The following NFASC variants were observed in gnomAD, a reference collection of about 807,000 sequenced individuals.
NFASC encodes the protein neurofascin homolog.
Under a neutral mutation model 147.5 loss-of-function variants are expected in NFASC, and 43 were observed. That is an observed-to-expected ratio of 0.29 (90% CI 0.23 to 0.38). The LOEUF (loss-of-function observed/expected upper bound fraction) is 0.38, where lower values mean the gene tolerates loss of function less well. Ranked by LOEUF, NFASC falls within the 10% of genes least tolerant of loss-of-function variation. NFASC has a pLI of 1.00. For missense variants in NFASC, 1,320 were observed against 1,689.0 expected, an observed-to-expected ratio of 0.78 and a Z score of 3.83; for synonymous variants, 622 against 665.5, an observed-to-expected ratio of 0.93 and a Z score of 1.01.
At chr1:204,856,802 A>C (rs1050013160) in intron 1 of NFASC, among the ~76,000 whole-genome samples, 1 of 152,214 alleles carries the variant, frequency 6.6e-6, no homozygotes, top group Non-Finnish European at 1.5e-5. Flanking sequence ...TCTTTCACTT[A>C]GTTTTCACTA....
intron 2 of NFASC, among the ~76,000 whole-genome samples, chr1:204,936,196 T>C (rs61819453): frequency 3.1e-5 from 2 of 64,228 alleles, no homozygotes; most frequent in African/African-American, 1.1e-4. Flanking sequence ...CTCTCTCTCT[T>C]TCTTTTTCTT....
In NFASC at chr1:205,017,549, C is replaced by T. The variant is rs941749753; in HGVS notation, c.*1010C>T. ...GATAGAGGGCCACACCCACCCTGTCCAGAGTAGAGGGCACCTGTCCACGTG... is the reference window on the plus strand; with the variant it reads ...GATAGAGGGCCACACCCACCCTGTCTAGAGTAGAGGGCACCTGTCCACGTG... On this transcript the variant is annotated 3_prime_UTR_variant, in exon 30 of 30. Coordinates refer to ENST00000339876, the MANE Select transcript of NFASC (RefSeq NM_001005388.3). The T allele has an allele frequency of 6.5e-6, 1 of 152,686 alleles. No homozygotes were observed. Among genetic ancestry groups the T allele is most frequent in the African/African-American group, 2.4e-5 (1 of 41,442 alleles). 9.5% of individuals were successfully genotyped at this position (152,686 alleles called of 1,614,324 possible). A position where few individuals can be genotyped will look rare whatever the true frequency, so the allele number is the denominator to read the frequency against.
At chr1:204,907,273 T>C (rs530140325) in intron 1 of NFASC, among the ~76,000 whole-genome samples, 1 of 152,324 alleles carries the variant, frequency 6.6e-6, no homozygotes, top group East Asian at 1.9e-4. Flanking sequence ...GAAGTGTCTG[T>C]TTAGCAAAAT....
At chr1:204,978,532 C>G (rs564041472) in intron 17 of NFASC, among the ~76,000 whole-genome samples, 71 of 152,298 alleles carry the variant, frequency 4.7e-4, no homozygotes, top group Admixed American at 8.5e-4. Context: ...CTCCTCAGAG[C>G]CTTGGCACAC....
chr1:204,985,491 C>G (rs1574151325), intron 21 of NFASC, among the ~76,000 whole-genome samples: 2 of 152,322 alleles, frequency 1.3e-5, no homozygotes, highest in East Asian at 3.9e-4. Flanking sequence ...TAATCCAATT[C>G]AAGGTGATGT....
intron 8 of NFASC, among the ~76,000 whole-genome samples, chr1:204,959,484 T>C (rs536460847): frequency 6.6e-6 from 1 of 152,306 alleles, no homozygotes; most frequent in South Asian, 2.1e-4. Context: ...GACAGTGTAG[T>C]CTGCCCAGGA....
intron 10 of NFASC, among the ~76,000 whole-genome samples, chr1:204,970,049 C>T (rs186943062): frequency 0.013 from 1,886 of 145,688 alleles, 40 homozygotes; most frequent in African/African-American, 0.046. Flanking sequence ...GCGCCCCAGC[C>T]TGGCGACAGA....
intron 24 of NFASC, among the ~76,000 whole-genome samples, chr1:204,994,350 C>T (rs1391253718): frequency 6.6e-6 from 1 of 152,214 alleles, no homozygotes; most frequent in Admixed American, 6.5e-5. Context: ...TCATCCTTAC[C>T]TCTGCCCAGC....
intron 1 of NFASC, among the ~76,000 whole-genome samples, chr1:204,893,766 G>C (rs1363884722): frequency 1.3e-5 from 2 of 152,204 alleles, no homozygotes; most frequent in East Asian, 1.9e-4. Flanking sequence ...CCCCCACTCT[G>C]TCAAGCTTCT....
rs1183910116 is a variant in NFASC at position 204,932,662 on chromosome 1, ACTGT to A, written c.-90-11559_-90-11556del. ...GGAACTGAGACACGCCTGTTCACTC[ACTGT>A]CTGTGGCTGCTTTCACACTGCGAAG... On this transcript the variant is annotated intron_variant, in intron 2 of 29. Transcript: ENST00000339876. Among the ~76,000 whole-genome samples, 5 of 152,212 alleles carry A rather than the reference ACTGT, an allele frequency of 3.3e-5. No individual in the cohort carries two copies. In the East Asian group the frequency reaches 5.8e-4, roughly 18 times the overall value.
chr1:204,860,157 A>G lies in NFASC; in HGVS notation c.-200+31375A>G, dbSNP rs2076536103. 2.6e-5 allele frequency among the ~76,000 whole-genome samples: 4 copies of G among 152,200 alleles called. No individual in the cohort carries two copies. The South Asian group carries it at 6.2e-4, about 24-fold the overall frequency. The stretch of plus-strand genomic sequence containing the variant: ...CACACCCTGATGGCCCAGGAGAGAT[A>G]GCAGTGATGTTGTAATCAAATGGCC... On this transcript the variant is annotated intron_variant, in intron 1 of 29. Coordinates refer to ENST00000339876, the MANE Select transcript of NFASC (RefSeq NM_001005388.3).
chr1:204,899,835 G>T (rs1156569016), intron 1 of NFASC, among the ~76,000 whole-genome samples: 1 of 152,164 alleles, frequency 6.6e-6, no homozygotes, highest in Non-Finnish European at 1.5e-5. Flanking sequence ...CTGAGACCCA[G>T]GTTCAACTCT....
chr1:204,983,669 A>G (rs569803849), intron 21 of NFASC, among the ~76,000 whole-genome samples: 1 of 152,290 alleles, frequency 6.6e-6, no homozygotes, highest in African/African-American at 2.4e-5. Context: ...TGGAAGCCTG[A>G]GAACAAGGGA....
chr1:204,953,532 G>A (rs1385193865), intron 5 of NFASC, among the ~76,000 whole-genome samples: 5 of 152,234 alleles, frequency 3.3e-5, no homozygotes, highest in African/African-American at 7.2e-5. Context: ...TCCTGACCTC[G>A]TGATCCACCC....
At chr1:204,948,789 GGAGGTC>G (rs2093946136) in intron 3 of NFASC, 1 of 505,558 alleles carries the variant, frequency 2.0e-6, no homozygotes, top group African/African-American at 2.0e-5. Context: ...AATAGGCAAA[GGAGGTC>G]CCTTGTCAGG....
chr1:204,985,396 A>T (rs1348340927), intron 21 of NFASC, among the ~76,000 whole-genome samples: 1 of 152,238 alleles, frequency 6.6e-6, no homozygotes, highest in Non-Finnish European at 1.5e-5. Context: ...ACTTCAAAGG[A>T]TTAAATCAAC....
At chr1:204,958,989 A>G (rs1451136767) in intron 8 of NFASC, among the ~76,000 whole-genome samples, 4 of 151,180 alleles carry the variant, frequency 2.6e-5, no homozygotes, top group African/African-American at 9.7e-5. Context: ...ACACAGCCCC[A>G]TGCTCCATTT....
intron 28 of NFASC, among the ~76,000 whole-genome samples, chr1:205,011,546 C>A (rs2096254061): frequency 6.6e-6 from 1 of 152,174 alleles, no homozygotes; most frequent in African/African-American, 2.4e-5. Context: ...CTGCCCTTTG[C>A]CCTTTCAGAA....
rs928497737 is a variant in NFASC at position 205,019,927 on chromosome 1, G to A, written c.*3388G>A. ...CTCCCCTGAAGGATTGTCGAGGCCA[G>A]GGTTCGGGAAGTACACTGCCATCGG... is the stretch of plus-strand genomic sequence containing the variant. On this transcript the variant is annotated 3_prime_UTR_variant, in exon 30 of 30. Coordinates refer to ENST00000339876, the MANE Select transcript of NFASC (RefSeq NM_001005388.3). The A allele has an allele frequency of 5.3e-5, 8 of 152,364 alleles. No individual in the cohort carries two copies. In the East Asian group the frequency reaches 1.5e-3, roughly 29 times the overall value. 9.4% of individuals were successfully genotyped at this position (152,364 alleles called of 1,614,324 possible).
Sources: gnomAD v4.1 joint callset for allele counts (sites outside exome capture counted in the v4.1 genomes callset) on GRCh38, gnomAD v4.1.1 for gene constraint, MANE v1.5 for transcripts, NCBI Gene and HGNC (gene_info 2026-07-23, HGNC 2026-07-21) for gene names.